OPA3: variants seen among roughly 807,000 people sequenced by gnomAD.
OPA3 encodes outer mitochondrial membrane lipid metabolism regulator OPA3.
OPA3 carries 6 observed loss-of-function variants against 4.0 expected under a neutral mutation model. That is an observed-to-expected ratio of 1.51 (90% CI 0.83 to 2.99). The LOEUF (loss-of-function observed/expected upper bound fraction) is 2.99. OPA3 is among the 30% of genes most tolerant of loss of function. The pLI, the probability that OPA3 is intolerant of heterozygous loss-of-function variation, is 0.00. For synonymous variants in OPA3, 105 were observed against 117.1 expected, an observed-to-expected ratio of 0.90 and a Z score of 0.67; for missense variants, 235 against 256.2, an observed-to-expected ratio of 0.92 and a Z score of 0.56.
Position 45,551,071 on chromosome 19 carries a change from C to T in OPA3, c.*2443G>A, listed in dbSNP as rs530415520. Reference sequence around the variant, plus strand: ...GACCTCCAGGGCTCAGGTGATCCTCCTGCCTCAGCCTCCCAAGTAGCTGGG... The same window carrying T: ...GACCTCCAGGGCTCAGGTGATCCTCTTGCCTCAGCCTCCCAAGTAGCTGGG... On this transcript the variant is annotated 3_prime_UTR_variant, in exon 2 of 2. Transcript: ENST00000263275. 2 of 427,230 alleles carry T rather than the reference C, an allele frequency of 4.7e-6. No individual in the cohort carries two copies. The highest frequency in any genetic ancestry group is 1.6e-4 in the East Asian group (1 of 6,332). The allele number at this position is 427,230 out of a possible 1,614,324, so 26.5% of individuals were successfully genotyped here.
chr19:45,568,524 G>C (rs1969615643), intron 1 of OPA3, among the ~76,000 whole-genome samples: 1 of 152,084 alleles, frequency 6.6e-6, no homozygotes, highest in African/African-American at 2.4e-5. Context: ...CCCTAACAGT[G>C]CTCCAAGTAT....
At chr19:45,535,250 T>C (rs970900736) in intron 1 of OPA3, among the ~76,000 whole-genome samples, 1 of 152,256 alleles carries the variant, frequency 6.6e-6, no homozygotes, top group Non-Finnish European at 1.5e-5. Flanking sequence ...ATTAGATATT[T>C]TGATACTATT....
At chr19:45,576,534 A>T (rs891299589) in intron 1 of OPA3, among the ~76,000 whole-genome samples, 2 of 54,290 alleles carry the variant, frequency 3.7e-5, no homozygotes, top group African/African-American at 1.0e-4. Context: ...ATGAAACTCC[A>T]TCCCCCCCCC....
At chr19:45,572,462 A>T (rs1228264005) in intron 1 of OPA3, among the ~76,000 whole-genome samples, 1 of 135,694 alleles carries the variant, frequency 7.4e-6, no homozygotes, top group East Asian at 2.1e-4. Flanking sequence ...GATATATATC[A>T]TATATCATAT....
At chr19:45,576,097 C>T (rs2122504869) in intron 1 of OPA3, among the ~76,000 whole-genome samples, 1 of 151,918 alleles carries the variant, frequency 6.6e-6, no homozygotes, top group African/African-American at 2.4e-5. Flanking sequence ...AGGGCATGCG[C>T]CTGTAATCCC....
At chr19:45,535,131 C>A (rs2122381639) in intron 1 of OPA3, among the ~76,000 whole-genome samples, 1 of 152,246 alleles carries the variant, frequency 6.6e-6, no homozygotes, top group East Asian at 1.9e-4. Flanking sequence ...TCAATGCAAT[C>A]CATGAACATG....
chr19:45,581,778 T>C (rs573277771), intron 1 of OPA3, among the ~76,000 whole-genome samples: 70 of 152,104 alleles, frequency 4.6e-4, no homozygotes, highest in Non-Finnish European at 9.7e-4. Context: ...TCACGCAGAG[T>C]TGGCTGTGCG....
At chr19:45,529,329 G>A (rs1969032414) in exon 2 of OPA3, 1 of 1,614,210 alleles carries the variant, frequency 6.2e-7, no homozygotes, top group South Asian at 1.1e-5. Context: ...AGGCGGTGAT[G>A]AAGATGATGC....
At chr19:45,578,582 C>T (rs919411307) in intron 1 of OPA3, among the ~76,000 whole-genome samples, 1 of 152,024 alleles carries the variant, frequency 6.6e-6, no homozygotes, top group Non-Finnish European at 1.5e-5. Flanking sequence ...AATCCCAGCA[C>T]TTTGGGAGGC....
downstream of OPA3, among the ~76,000 whole-genome samples, chr19:45,545,167 A>C (rs887153971): frequency 6.1e-5 from 9 of 147,596 alleles, no homozygotes; most frequent in African/African-American, 2.2e-4. Context: ...ACCGTCTCAA[A>C]AAAAAAAAAA....
intron 1 of OPA3, among the ~76,000 whole-genome samples, chr19:45,534,525 C>T (rs1381437616): frequency 7.2e-6 from 1 of 138,800 alleles, no homozygotes; most frequent in Non-Finnish European, 1.5e-5. Context: ...CATGCCATCA[C>T]ACTCCAGCCT....
chr19:45,569,215 T>A (rs1836817657), intron 1 of OPA3, among the ~76,000 whole-genome samples: 1 of 152,116 alleles, frequency 6.6e-6, no homozygotes, highest in African/African-American at 2.4e-5. Context: ...TCCCAGCACT[T>A]TGGAAGGCCA....
At chr19:45,570,509 C>A (rs1051806471) in intron 1 of OPA3, among the ~76,000 whole-genome samples, 4 of 151,928 alleles carry the variant, frequency 2.6e-5, no homozygotes, top group Non-Finnish European at 4.4e-5. Flanking sequence ...ATGGTGAAAC[C>A]CTATCTCCAA....
rs542051236 is a variant in OPA3 at position 45,584,375 on chromosome 19, G to C, written c.142+248C>G. On this transcript the variant is annotated intron_variant, in intron 1 of 1. Coordinates refer to ENST00000263275, the MANE Select transcript of OPA3 (RefSeq NM_025136.4). ...TTTAACAGGGCATCAGTCTCCAAGC[G>C]CTCTCTTCCTTTATCGGCTGGCATT... 1.5e-4 allele frequency: 145 copies of C among 985,344 alleles called. 2 individuals are homozygous for C. The South Asian group carries it at 4.0e-3, about 27-fold the overall frequency. 61.0% of individuals were successfully genotyped at this position (985,344 alleles called of 1,614,324 possible).
At chr19:45,572,238 TTATA>T (rs1479871157) in intron 1 of OPA3, among the ~76,000 whole-genome samples, 2 of 143,338 alleles carry the variant, frequency 1.4e-5, no homozygotes, top group African/African-American at 5.1e-5. Context: ...ATATATATGA[TTATA>T]TATCTCATAT....
At chr19:45,557,875 C>T (rs1244350154) in intron 1 of OPA3, among the ~76,000 whole-genome samples, 1 of 152,144 alleles carries the variant, frequency 6.6e-6, no homozygotes, top group African/African-American at 2.4e-5. Context: ...CTGCTGTGTC[C>T]CCAGCACTGC....
chr19:45,540,657 G>A (rs1180068719), intron 1 of OPA3, among the ~76,000 whole-genome samples: 5 of 151,886 alleles, frequency 3.3e-5, no homozygotes, highest in Non-Finnish European at 7.4e-5. Context: ...CCTGAAGTCA[G>A]GTGGGCGTGG....
chr19:45,583,387 C>T (rs927701329), intron 1 of OPA3, among the ~76,000 whole-genome samples: 3 of 151,944 alleles, frequency 2.0e-5, no homozygotes, highest in Admixed American at 1.3e-4. Flanking sequence ...CTTCTGACCT[C>T]GTGATCTGCC....
intron 1 of OPA3, among the ~76,000 whole-genome samples, chr19:45,555,727 G>A (rs1163578332): frequency 1.3e-5 from 2 of 152,074 alleles, no homozygotes; most frequent in Admixed American, 6.6e-5. Flanking sequence ...TCCTGACCTC[G>A]TGATCCACCC....
Sources: allele counts gnomAD v4.1 joint callset (sites outside exome capture counted in the v4.1 genomes callset), GRCh38; gene constraint gnomAD v4.1.1; transcripts MANE v1.5; gene names NCBI Gene and HGNC (gene_info 2026-07-23, HGNC 2026-07-21).